The following PUM3 variants were observed in gnomAD, a reference collection of about 807,000 sequenced individuals.
PUM3 encodes pumilio RNA binding family member 3.
PUM3 carries 91 observed loss-of-function variants against 84.0 expected under a neutral mutation model. The observed-to-expected ratio is 1.08, with a 90% CI of 0.91 to 1.29. PUM3 has a LOEUF of 1.29. Among genes scored for constraint, PUM3 ranks in the 50% most tolerant of loss-of-function variants. The pLI is 0.00. For missense variants in PUM3, 1,067 were observed against 767.5 expected (o/e 1.39, Z -4.61); for synonymous variants, 321 against 266.7 (o/e 1.20, Z -1.98).
At chr9:2,831,836 C>A (rs1428063496) in intron 5 of PUM3, among the ~76,000 whole-genome samples, 3 of 152,166 alleles carry the variant, frequency 2.0e-5, no homozygotes, top group Admixed American at 2.0e-4. Context: ...TCCATAAACA[C>A]TGTCAATTAT....
At chr9:2,830,758 G>GA (rs1292249708) in intron 7 of PUM3, among the ~76,000 whole-genome samples, 4 of 152,070 alleles carry the variant, frequency 2.6e-5, no homozygotes, top group Non-Finnish European at 5.9e-5. Context: ...ATCTTTTTAG[G>GA]AATGAAGGCA....
rs375048086 is a variant in PUM3 at position 2,837,140 on chromosome 9, G to A, written c.304+40C>T. ...ACCTCCAGAGTCCCTGTGCACAATC[G>A]TTCAGGCACTAGTTCAGGCATGAAC... On this transcript the variant is annotated intron_variant, in intron 3 of 17. Coordinates refer to ENST00000397885, the MANE Select transcript of PUM3 (RefSeq NM_014878.5). 9.4e-5 allele frequency: 146 copies of A among 1,547,252 alleles called. No individual in the cohort carries two copies. The Middle Eastern group carries it at 1.8e-3, about 19-fold the overall frequency.
intron 17 of PUM3, among the ~76,000 whole-genome samples, chr9:2,806,637 T>C (rs1283572092): frequency 6.6e-6 from 1 of 152,214 alleles, no homozygotes; most frequent in Non-Finnish European, 1.5e-5. Flanking sequence ...ACAGAAGGTT[T>C]TCATCTGCAC....
chr9:2,823,882 G>A (rs1461635791), intron 11 of PUM3, 48 bp from the exon 12 acceptor site: 2 of 978,066 alleles, frequency 2.0e-6, no homozygotes, highest in African/African-American at 1.7e-5. Flanking sequence ...ATGTATTAAG[G>A]GTATTTTGTA....
Position 2,837,316 on chromosome 9 carries a change from A to G in PUM3, c.168T>C (p.Ser56=). ...PKVTSRNFEK[S]ITKLGKKGVK... ...CACCCTTTTTCCCAAGTTTTGTGATACTTTTCTCAAAGTTCCTAGATGTGA... is the reference window on the plus strand; with the variant it reads ...CACCCTTTTTCCCAAGTTTTGTGATGCTTTTCTCAAAGTTCCTAGATGTGA... Residue 56 remains serine (S), a synonymous_variant, in exon 3 of 18, where the codon AGT becomes AGC. Transcript: ENST00000397885. The G allele has an allele frequency of 6.2e-7, 1 of 1,614,040 alleles. No homozygotes were observed. The highest frequency in any genetic ancestry group is 1.1e-5 in the South Asian group (1 of 91,080).
intron 16 of PUM3, among the ~76,000 whole-genome samples, chr9:2,808,495 T>C (rs1821305162): frequency 6.6e-6 from 1 of 152,248 alleles, no homozygotes; most frequent in Non-Finnish European, 1.5e-5. Context: ...TTTTTCACTT[T>C]GCAATTAATG....
intron 7 of PUM3, 147 bp downstream of exon 7, chr9:2,830,815 C>A: frequency 1.8e-6 from 1 of 559,358 alleles, no homozygotes; most frequent in Non-Finnish European, 3.2e-6. Flanking sequence ...TAAGATGATA[C>A]TCTCTAAAAA....
At chr9:2,832,410 A>G (rs1157499478) in intron 5 of PUM3, among the ~76,000 whole-genome samples, 3 of 152,180 alleles carry the variant, frequency 2.0e-5, no homozygotes, top group African/African-American at 7.2e-5. Context: ...TCAAATATAC[A>G]ACACGGATGA....
At chr9:2,829,450 T>A (rs1815913134) in intron 8 of PUM3, among the ~76,000 whole-genome samples, 1 of 152,302 alleles carries the variant, frequency 6.6e-6, no homozygotes, top group Admixed American at 6.5e-5. Flanking sequence ...TTGGGGGTGG[T>A]CACACAACTT....
chr9:2,825,723 G>T (rs1210839573), intron 10 of PUM3, among the ~76,000 whole-genome samples: 1 of 152,012 alleles, frequency 6.6e-6, no homozygotes, highest in Non-Finnish European at 1.5e-5. Flanking sequence ...CTTGTGATCT[G>T]CCCGCCTCGG....
In PUM3 at chr9:2,838,456, G is replaced by C; in HGVS notation, c.52C>G (p.Gln18Glu). Residue 18 changes from glutamine to glutamate, a missense_variant, in exon 2 of 18, where the codon CAA becomes GAA. Gln to Glu is a conservative substitution (Grantham distance 29, BLOSUM62 2). Transcript: ENST00000397885. Reference sequence around the variant, plus strand: ...TTTTTATGAAATCTGTTTTTTTCTTGTGCTGTCTTTGTACTCTTTCCTGTG... The same window carrying C: ...TTTTTATGAAATCTGTTTTTTTCTTCTGCTGTCTTTGTACTCTTTCCTGTG... The part of the protein sequence containing the change: ...QFTGKSTKTA[Q>E]EKNRFHKNSD... 6.2e-7 allele frequency: 1 copy of C among 1,612,520 alleles called. No individual in the cohort carries two copies. Among genetic ancestry groups the C allele is most frequent in the Non-Finnish European group, 8.5e-7 (1 of 1,178,968 alleles).
chr9:2,835,137 C>G (rs1393043), intron 3 of PUM3, among the ~76,000 whole-genome samples: 97,638 of 152,094 alleles, frequency 0.64, 32,186 homozygotes, highest in African/African-American at 0.79. Context: ...AAGTGGCCAG[C>G]TGCAGTGGCT....
At chr9:2,835,013 CAAAA>C (rs56393910) in intron 3 of PUM3, among the ~76,000 whole-genome samples, 1 of 119,988 alleles carries the variant, frequency 8.3e-6, no homozygotes, top group Non-Finnish European at 1.7e-5. Flanking sequence ...GGGAAAAATG[CAAAA>C]AAAAAAAAAA....
intron 15 of PUM3, among the ~76,000 whole-genome samples, chr9:2,811,063 C>T (rs1329769400): frequency 2.6e-5 from 4 of 152,198 alleles, no homozygotes; most frequent in Non-Finnish European, 5.9e-5. Flanking sequence ...CTCTAAGATC[C>T]ATGGCCCACT....
chr9:2,806,504 T>C (rs1359273215), intron 17 of PUM3, among the ~76,000 whole-genome samples: 2 of 152,226 alleles, frequency 1.3e-5, no homozygotes, highest in African/African-American at 4.8e-5. Context: ...AAGTAAAGTA[T>C]CTTGAGAAAT....
At chr9:2,820,138 C>A in intron 12 of PUM3, 40 bp from the exon 13 acceptor site, 1 of 1,227,782 alleles carries the variant, frequency 8.1e-7, no homozygotes, top group Non-Finnish European at 1.2e-6. Flanking sequence ...AAAACAAGTG[C>A]ATAGATCTTC....
chr9:2,843,361 T>TGAGTTGG (rs1221624104), intron 1 of PUM3, among the ~76,000 whole-genome samples: 28 of 152,184 alleles, frequency 1.8e-4, no homozygotes, highest in African/African-American at 6.5e-4. Flanking sequence ...CAGACTCCAC[T>TGAGTTGG]ATCTGCCAAC....
chr9:2,828,787 A>T lies in PUM3; in HGVS notation c.853-9T>A. 6.9e-7 allele frequency: 1 copy of T among 1,454,520 alleles called. No homozygotes were observed. The highest frequency in any genetic ancestry group is 9.6e-7 in the Non-Finnish European group (1 of 1,037,514). The allele number at this position is 1,454,520 out of a possible 1,614,324, so 90.1% of individuals were successfully genotyped here. A position where few individuals can be genotyped will look rare whatever the true frequency, so the allele number is the denominator to read the frequency against. On this transcript the variant is annotated splice_polypyrimidine_tract_variant and intron_variant, in intron 8 of 17. Coordinates refer to ENST00000397885, the MANE Select transcript of PUM3 (RefSeq NM_014878.5). ...GTTCGGTGATCTGCTGACTGCAACA[A>T]AACAAAACAATCAAACCCCTCTAAA... is the stretch of plus-strand genomic sequence containing the variant.
Position 2,810,389 on chromosome 9 carries a change from A to G in PUM3, c.1678T>C (p.Trp560Arg). 1 of 1,612,388 alleles carries G rather than the reference A, an allele frequency of 6.2e-7. No homozygotes were observed. The highest frequency in any genetic ancestry group is 8.5e-7 in the Non-Finnish European group (1 of 1,179,032). ...EHPAGHLVLKWLIEQDKKMKE... is the reference protein window; with the variant it reads ...EHPAGHLVLKRLIEQDKKMKE... The stretch of plus-strand genomic sequence containing the variant: ...ATCTTTTTATCTTGCTCTATTAACC[A>G]CTTCAGAACTAGATGTCCTGCAGGA... The change falls in exon 16 of 18, where the codon TGG becomes CGG. Residue 560 changes from tryptophan (W) to arginine (R), a missense_variant. Physicochemically the swap from Trp to Arg is moderately radical, Grantham distance 101. Coordinates refer to ENST00000397885, the MANE Select transcript of PUM3 (RefSeq NM_014878.5).
Sources: allele counts gnomAD v4.1 joint callset (sites outside exome capture counted in the v4.1 genomes callset), GRCh38; gene constraint gnomAD v4.1.1; transcripts MANE v1.5; gene names NCBI Gene and HGNC (gene_info 2026-07-23, HGNC 2026-07-21).